The following ZNF383 variants were observed in gnomAD, a reference collection of about 807,000 sequenced individuals.
ZNF383 encodes the protein zinc finger protein 383.
In ZNF383, 32 loss-of-function variants were observed where a neutral mutation model predicts 44.2. That is an observed-to-expected ratio of 0.72 (90% CI 0.55 to 0.97). ZNF383 has a LOEUF of 0.97. Among genes scored for constraint, ZNF383 ranks in the 50% least tolerant of loss-of-function variants. The pLI is 0.00. For missense variants in ZNF383, 487 were observed against 562.5 expected (o/e 0.87, Z 1.36); for synonymous variants, 155 against 186.2 (o/e 0.83, Z 1.36).
chr19:37,232,031 A>AT (rs1489821393), intron 3 of ZNF383, among the ~76,000 whole-genome samples: 2 of 151,624 alleles, frequency 1.3e-5, no homozygotes, highest in African/African-American at 4.8e-5. Flanking sequence ...ACTAATTAGT[A>AT]TTTTTTTATA....
chr19:37,227,187 T>TCACCGCAACCTCCGCC (rs1367274054), intron 2 of ZNF383, among the ~76,000 whole-genome samples: 3 of 142,436 alleles, frequency 2.1e-5, no homozygotes, highest in Non-Finnish European at 4.5e-5. Flanking sequence ...CAATCTCGGC[T>TCACCGCAACCTCCGCC]CACCGCAACC....
intron 1 of ZNF383, among the ~76,000 whole-genome samples, chr19:37,220,377 G>C (rs934799369): frequency 1.3e-5 from 2 of 151,958 alleles, no homozygotes; most frequent in Non-Finnish European, 2.9e-5. Flanking sequence ...CAATTCTCCC[G>C]CTCCAGCCTC....
chr19:37,241,579 T>G (rs937353623), intron 5 of ZNF383, among the ~76,000 whole-genome samples: 15 of 152,168 alleles, frequency 9.9e-5, no homozygotes, highest in Admixed American at 9.8e-4. Context: ...TGATTAAATC[T>G]GTGCCACTCA....
chr19:37,220,789 T>G (rs929038984), intron 1 of ZNF383, among the ~76,000 whole-genome samples: 1 of 152,122 alleles, frequency 6.6e-6, no homozygotes, highest in Non-Finnish European at 1.5e-5. Flanking sequence ...TCTTCTTGAC[T>G]TTTTAAAAAA....
In ZNF383 at chr19:37,229,718, A is replaced by G. The variant is rs544448790; in HGVS notation, c.-45-691A>G. On this transcript the variant is annotated intron_variant, in intron 2 of 5. Transcript: ENST00000684119. ...TATATGTATATATATATGTGTGTGTATATATATGTATATATATGTGTGTGT... is the reference window on the plus strand; with the variant it reads ...TATATGTATATATATATGTGTGTGTGTATATATGTATATATATGTGTGTGT... Among the ~76,000 whole-genome samples, 176 of 144,448 alleles carry G rather than the reference A, an allele frequency of 1.2e-3. 1 individual carries two copies. Among genetic ancestry groups the G allele is most frequent in the Middle Eastern group, 3.6e-3 (1 of 278 alleles). The allele number at this position is 144,448 out of a possible 152,430, so 94.8% of individuals were successfully genotyped here. A position where few individuals can be genotyped will look rare whatever the true frequency, so the allele number is the denominator to read the frequency against.
At position 37,243,394 on chromosome 19, in the gene ZNF383, A is replaced by T; in HGVS notation, c.1158A>T (p.Arg386Ser). 1 of 1,614,220 alleles carries T rather than the reference A, an allele frequency of 6.2e-7. No individual in the cohort carries two copies. The highest frequency in any genetic ancestry group is 8.5e-7 in the Non-Finnish European group (1 of 1,180,044). ...GCTCACAGCTTCGTCAACATCAGAGAATTCACGCTGGTGAGAAACCCTTTG... is the reference window on the plus strand; with the variant it reads ...GCTCACAGCTTCGTCAACATCAGAGTATTCACGCTGGTGAGAAACCCTTTG... ...TQSSQLRQHQ[R>S]IHAGEKPFEC... The change falls in exon 6 of 6, where the codon AGA (arginine) becomes AGT (serine). Residue 386 changes from arginine to serine, a missense_variant. Arg to Ser is a moderately radical substitution (Grantham distance 110). Transcript: ENST00000684119.
chr19:37,223,956 C>G (rs1423893926), intron 1 of ZNF383, among the ~76,000 whole-genome samples: 2 of 151,968 alleles, frequency 1.3e-5, no homozygotes, highest in African/African-American at 4.8e-5. Context: ...GTTGCTTGAA[C>G]CTGGGAGGCA....
intron 1 of ZNF383, among the ~76,000 whole-genome samples, chr19:37,220,531 T>TG (rs771020117): frequency 7.9e-5 from 12 of 151,910 alleles, no homozygotes; most frequent in Non-Finnish European, 8.8e-5. Context: ...GGTTTACAGG[T>TG]GTGAGCCACT....
intron 1 of ZNF383, among the ~76,000 whole-genome samples, chr19:37,220,629 A>G (rs748258888): frequency 2.0e-5 from 3 of 150,142 alleles, no homozygotes; most frequent in Non-Finnish European, 4.4e-5. Context: ...ATATAGATGT[A>G]TAGTTTAAGA....
rs781366376 is a variant in ZNF383 at position 37,218,435 on chromosome 19, CTG to C, written c.-168+164_-168+165del. 3.3e-5 allele frequency: 5 copies of C among 153,002 alleles called. No homozygotes were observed. In the East Asian group the frequency reaches 5.8e-4, roughly 18 times the overall value. 9.5% of individuals were successfully genotyped at this position (153,002 alleles called of 1,614,324 possible). The stretch of plus-strand genomic sequence containing the variant: ...CGTGTGTGAGTGTGACCTTATGTGA[CTG>C]TGCCTCTCTGTGTGCGCGGGTGTGA... On this transcript the variant is annotated intron_variant, in intron 1 of 5. Transcript: ENST00000684119.
At position 37,236,046 on chromosome 19, in the gene ZNF383, C is replaced by A; in HGVS notation, c.204C>A (p.Gly68=). 1 of 1,613,496 alleles carries A rather than the reference C, an allele frequency of 6.2e-7. No homozygotes were observed. The highest frequency in any genetic ancestry group is 1.1e-5 in the South Asian group (1 of 91,040). The stretch of plus-strand genomic sequence containing the variant: ...AAGGGAAAGAGCCCTGGATGGTTGG[C>A]AGAGAGCTTACAAGAGGCCTGTGTT... The part of the protein sequence containing the change: ...LEQGKEPWMV[G]RELTRGLCSD... Residue 68 remains glycine (G), a synonymous_variant, in exon 5 of 6, where the codon GGC becomes GGA. Coordinates refer to ENST00000684119, the MANE Select transcript of ZNF383 (RefSeq NM_001387601.1).
chr19:37,220,480 T>G (rs1972866871), intron 1 of ZNF383, among the ~76,000 whole-genome samples: 1 of 152,142 alleles, frequency 6.6e-6, no homozygotes, highest in Admixed American at 6.5e-5. Context: ...GCCAGGCTGT[T>G]CTTGAACTCC....
rs1475566941 is a variant in ZNF383, at chr19:37,246,146, G to C, written c.*2482G>C. On this transcript the variant is annotated 3_prime_UTR_variant, in exon 6 of 6. Transcript: ENST00000684119. ...CTAGGCATCTATAATAAGGCTGTAT[G>C]TATTGGATTGCTGTGAAGAGTCAAT... 1.3e-5 allele frequency: 2 copies of C among 152,176 alleles called. No individual in the cohort carries two copies. Among genetic ancestry groups the C allele is most frequent in the Admixed American group, 1.3e-4 (2 of 15,282 alleles). 9.4% of individuals were successfully genotyped at this position (152,176 alleles called of 1,614,324 possible).
intron 3 of ZNF383, among the ~76,000 whole-genome samples, chr19:37,233,763 A>T (rs778584944): frequency 2.6e-5 from 4 of 152,062 alleles, no homozygotes; most frequent in Non-Finnish European, 5.9e-5. Context: ...AAATGTCCTA[A>T]TAGGGCTTTG....
chr19:37,233,575 G>A (rs546660601), intron 3 of ZNF383, among the ~76,000 whole-genome samples: 10 of 150,874 alleles, frequency 6.6e-5, no homozygotes, highest in East Asian at 4.0e-4. Context: ...GACTACAGGC[G>A]CACACCACCA....
At chr19:37,221,652 A>C (rs1972921075) in intron 1 of ZNF383, among the ~76,000 whole-genome samples, 1 of 150,070 alleles carries the variant, frequency 6.7e-6, no homozygotes, top group African/African-American at 2.5e-5. Context: ...CTTGTATAAA[A>C]GTGAGCATAT....
intron 1 of ZNF383, among the ~76,000 whole-genome samples, chr19:37,223,957 C>A (rs545499206): frequency 1.3e-5 from 2 of 151,952 alleles, no homozygotes; most frequent in Non-Finnish European, 2.9e-5. Context: ...TTGCTTGAAC[C>A]TGGGAGGCAG....
intron 2 of ZNF383, chr19:37,227,801 CG>C (rs1379508916): frequency 6.6e-6 from 1 of 152,130 alleles, no homozygotes; most frequent in African/African-American, 2.4e-5. Flanking sequence ...ATTTGGTAGC[CG>C]AGGCAGAGAG....
At position 37,243,282 on chromosome 19, in the gene ZNF383, G is replaced by C; in HGVS notation, c.1046G>C (p.Ser349Thr). 6.2e-7 allele frequency: 1 copy of C among 1,613,916 alleles called. No individual in the cohort carries two copies. The highest frequency in any genetic ancestry group is 8.5e-7 in the Non-Finnish European group (1 of 1,179,954). ...AAGGAATGTGGCAAAGCCTTTAGTAGTGGCTCAGCACTTACTAATCATCAG... is the reference window on the plus strand; with the variant it reads ...AAGGAATGTGGCAAAGCCTTTAGTACTGGCTCAGCACTTACTAATCATCAG... ...ECKECGKAFSSGSALTNHQRI... is the reference protein window; with the variant it reads ...ECKECGKAFSTGSALTNHQRI... The change falls in exon 6 of 6, where the codon AGT (serine) becomes ACT (threonine). Residue 349 changes from serine (S) to threonine (T), a missense_variant. By Grantham distance (58) the Ser-to-Thr change is moderately conservative. Transcript: ENST00000684119.
Sources: gnomAD v4.1 joint callset for allele counts (sites outside exome capture counted in the v4.1 genomes callset) on GRCh38, gnomAD v4.1.1 for gene constraint, MANE v1.5 for transcripts, NCBI Gene and HGNC (gene_info 2026-07-23, HGNC 2026-07-21) for gene names.